Variants in CPEB4 observed in about 807,000 individuals in gnomAD.
CPEB4 encodes cytoplasmic polyadenylation element-binding protein 4.
Under a neutral mutation model 72.5 loss-of-function variants are expected in CPEB4, and 12 were observed. The ratio of observed to expected loss-of-function variants is 0.17; its 90% CI spans 0.11 to 0.27. CPEB4 has a LOEUF of 0.27. CPEB4 is among the 10% of genes least tolerant of loss of function. CPEB4 has a pLI of 1.00. For synonymous variants in CPEB4, 302 were observed against 326.3 expected (o/e 0.93, Z 0.80); for missense variants, 614 against 908.5 (o/e 0.68, Z 4.17).
chr5:173,918,446 ACC>A (rs1245801030), intron 2 of CPEB4, among the ~76,000 whole-genome samples: 1 of 152,006 alleles, frequency 6.6e-6, no homozygotes, highest in African/African-American at 2.4e-5. Flanking sequence ...CAGTGCGATT[ACC>A]CCCTTTCAGA....
At chr5:173,954,465 C>T (rs535828541) in intron 9 of CPEB4, among the ~76,000 whole-genome samples, 13 of 151,924 alleles carry the variant, frequency 8.6e-5, no homozygotes, top group African/African-American at 1.4e-4. Flanking sequence ...CTCTGCCTCC[C>T]GGGTTCAAGT....
intron 3 of CPEB4, among the ~76,000 whole-genome samples, chr5:173,938,890 A>G (rs1246022035): frequency 6.6e-6 from 1 of 152,250 alleles, no homozygotes; most frequent in Non-Finnish European, 1.5e-5. Context: ...TGCAATAATA[A>G]TAAATTCAAA....
intron 1 of CPEB4, among the ~76,000 whole-genome samples, chr5:173,894,349 G>A (rs923241539): frequency 6.6e-6 from 1 of 152,032 alleles, no homozygotes; most frequent in Non-Finnish European, 1.5e-5. Flanking sequence ...GGCGGGGTGC[G>A]GTAGCTGACG....
chr5:173,930,130 C>T (rs1331376479), intron 2 of CPEB4, among the ~76,000 whole-genome samples: 1 of 151,756 alleles, frequency 6.6e-6, no homozygotes. Flanking sequence ...TCTCAGCTCA[C>T]TGCAACCCCT....
intron 2 of CPEB4, among the ~76,000 whole-genome samples, chr5:173,925,280 G>A (rs1266564758): frequency 6.6e-6 from 1 of 152,148 alleles, no homozygotes; most frequent in Admixed American, 6.5e-5. Flanking sequence ...GCAGAGAAGG[G>A]TTTTGTTTAG....
At chr5:173,894,064 C>T (rs1307068191) in intron 1 of CPEB4, among the ~76,000 whole-genome samples, 1 of 152,170 alleles carries the variant, frequency 6.6e-6, no homozygotes, top group Non-Finnish European at 1.5e-5. Context: ...ATAATCACAG[C>T]TCACTGCAGC....
At chr5:173,942,157 G>T (rs1757869559) in intron 3 of CPEB4, among the ~76,000 whole-genome samples, 1 of 152,124 alleles carries the variant, frequency 6.6e-6, no homozygotes, top group Non-Finnish European at 1.5e-5. Flanking sequence ...CTACACTGTT[G>T]TTTGCTTATG....
rs1273812789 is a variant in CPEB4, at chr5:173,961,370, G to A, written c.*5233G>A. ...GCCCAAGCATATTTAGTTTATTTTAGGAAATGTTTATTTCAGGTAAGTGAG... is the reference window on the plus strand; with the variant it reads ...GCCCAAGCATATTTAGTTTATTTTAAGAAATGTTTATTTCAGGTAAGTGAG... On this transcript the variant is annotated 3_prime_UTR_variant, in exon 10 of 10. Coordinates refer to ENST00000265085, the MANE Select transcript of CPEB4 (RefSeq NM_030627.4). 1 of 152,184 alleles carries A rather than the reference G, an allele frequency of 6.6e-6. No homozygotes were observed. The highest frequency in any genetic ancestry group is 1.5e-5 in the Non-Finnish European group (1 of 68,016). 9.4% of individuals were successfully genotyped at this position (152,184 alleles called of 1,614,324 possible).
At chr5:173,903,184 C>T (rs1204412490) in intron 1 of CPEB4, among the ~76,000 whole-genome samples, 2 of 152,158 alleles carry the variant, frequency 1.3e-5, no homozygotes, top group Non-Finnish European at 2.9e-5. Flanking sequence ...GAGCCACTCA[C>T]CTCTTGATGC....
intron 1 of CPEB4, among the ~76,000 whole-genome samples, chr5:173,906,996 T>C (rs752782004): frequency 7.9e-5 from 12 of 152,150 alleles, no homozygotes; most frequent in Non-Finnish European, 1.8e-4. Context: ...TTGCCAGGCA[T>C]GGTGGCTTAC....
chr5:173,922,334 G>T (rs952664326), intron 2 of CPEB4, among the ~76,000 whole-genome samples: 1 of 151,990 alleles, frequency 6.6e-6, no homozygotes, highest in South Asian at 2.1e-4. Flanking sequence ...GGGCTCAAAC[G>T]CTCCTCCCAC....
Position 173,950,724 on chromosome 5 carries a change from G to A in CPEB4, c.1665+646G>A, listed in dbSNP as rs1440097057. Among the ~76,000 whole-genome samples the A allele has an allele frequency of 1.3e-5, 2 of 152,092 alleles. No homozygotes were observed. The highest frequency in any genetic ancestry group is 1.9e-4 in the East Asian group (1 of 5,206). On this transcript the variant is annotated intron_variant, in intron 7 of 9. Transcript: ENST00000265085. The surrounding 1 kb of genome is among the most constrained non-coding windows in gnomAD (Gnocchi z 5.0). ...CTCAAATCACAAATACTATGTGTAC[G>A]TCTTTCTAGCGTTTTCCTCACTTTA... is the stretch of plus-strand genomic sequence containing the variant.
At chr5:173,915,239 C>T (rs1253316265) in intron 2 of CPEB4, among the ~76,000 whole-genome samples, 1 of 152,018 alleles carries the variant, frequency 6.6e-6, no homozygotes, top group Non-Finnish European at 1.5e-5. Flanking sequence ...TGTTGGAAAA[C>T]TTATTTTTTT....
Position 173,950,077 on chromosome 5 carries a change from C to T in CPEB4, c.1664C>T (p.Pro555Leu). Reference sequence around the variant, plus strand: ...TCAAGTCCCACTATCAAGGATAAGCCAGTAAGTGTGGTTTAGCATAAAATA... The same window carrying T: ...TCAAGTCCCACTATCAAGGATAAGCTAGTAAGTGTGGTTTAGCATAAAATA... ...CVSSPTIKDKPVQIRPWNLSD... is the reference protein window; with the variant it reads ...CVSSPTIKDKLVQIRPWNLSD... The change falls in exon 7 of 10, where the codon CCA becomes CTA. Residue 555 changes from proline (P) to leucine (L), a missense_variant and splice_region_variant. By Grantham distance (98) the Pro-to-Leu change is moderately conservative. Transcript: ENST00000265085. The surrounding 1 kb of genome is among the most constrained non-coding windows in gnomAD (Gnocchi z 5.0). 2 of 1,571,858 alleles carry T rather than the reference C, an allele frequency of 1.3e-6. No individual in the cohort carries two copies. The highest frequency in any genetic ancestry group is 1.7e-6 in the Non-Finnish European group (2 of 1,150,710).
chr5:173,894,174 T>C (rs1434327685), intron 1 of CPEB4, among the ~76,000 whole-genome samples: 1 of 152,062 alleles, frequency 6.6e-6, no homozygotes, highest in Non-Finnish European at 1.5e-5. Flanking sequence ...TTGTATTTTT[T>C]TGTAGAGACA....
chr5:173,926,511 T>C (rs747472), intron 2 of CPEB4, among the ~76,000 whole-genome samples: 33,779 of 152,140 alleles, frequency 0.22, 4,967 homozygotes, highest in Non-Finnish European at 0.31. Context: ...GATTTGGTAG[T>C]GTAGATCCCC....
intron 5 of CPEB4, 89 bp downstream of exon 5, chr5:173,945,229 G>A: frequency 9.1e-7 from 1 of 1,103,104 alleles, no homozygotes; most frequent in South Asian, 1.5e-5. Context: ...AGTCTTATCT[G>A]GCTCCAATAG....
chr5:173,938,455 A>T (rs1226171752), intron 3 of CPEB4, among the ~76,000 whole-genome samples: 1 of 152,132 alleles, frequency 6.6e-6, no homozygotes, highest in Non-Finnish European at 1.5e-5. Flanking sequence ...CGAACTCCTG[A>T]CCTCAAATGA....
intron 2 of CPEB4, among the ~76,000 whole-genome samples, chr5:173,932,054 C>T (rs1245363982): frequency 6.6e-6 from 1 of 152,188 alleles, no homozygotes; most frequent in African/African-American, 2.4e-5. Flanking sequence ...AGGCATAAGC[C>T]TGGCACTTTT....
Sources: allele counts gnomAD v4.1 joint callset (sites outside exome capture counted in the v4.1 genomes callset), GRCh38; gene constraint gnomAD v4.1.1; non-coding constraint Gnocchi (gnomAD v3.1); transcripts MANE v1.5; gene names NCBI Gene and HGNC (gene_info 2026-07-23, HGNC 2026-07-21).